The following KCNIP3 variants were observed in gnomAD, a reference collection of about 807,000 sequenced individuals.
KCNIP3 encodes potassium voltage-gated channel interacting protein 3, also known as calsenilin.
KCNIP3 carries 28 observed loss-of-function variants against 35.0 expected under a neutral mutation model. That is an observed-to-expected ratio of 0.80 (90% confidence interval 0.59 to 1.10). KCNIP3 has a LOEUF of 1.10. Among genes scored for constraint, KCNIP3 ranks in the 50% least tolerant of loss-of-function variants. The probability of loss-of-function intolerance (pLI) is 0.00; values close to 1 mark genes in which losing one functional copy is unlikely to be tolerated. For missense variants in KCNIP3, 295 were observed against 338.4 expected (o/e 0.87, Z 1.01); for synonymous variants, 134 against 133.8 (o/e 1.00, Z -0.01).
intron 2 of KCNIP3, among the ~76,000 whole-genome samples, chr2:95,341,508 C>A (rs1028799988): frequency 6.6e-6 from 1 of 152,182 alleles, no homozygotes; most frequent in African/African-American, 2.4e-5. Context: ...CGTAGGTTGT[C>A]TTGGCTGTGA....
At chr2:95,335,895 C>A (rs1179257626) in intron 2 of KCNIP3, among the ~76,000 whole-genome samples, 1 of 151,912 alleles carries the variant, frequency 6.6e-6, no homozygotes, top group Non-Finnish European at 1.5e-5. Context: ...ATTTTTAGTC[C>A]ATTCACATTT....
chr2:95,297,661 G>A (rs1255576162), intron 1 of KCNIP3, among the ~76,000 whole-genome samples: 1 of 152,082 alleles, frequency 6.6e-6, no homozygotes, highest in South Asian at 2.1e-4. Context: ...CTGGCGTTGG[G>A]GTGTCCTGGC....
At chr2:95,323,546 T>A (rs1172114126) in intron 2 of KCNIP3, among the ~76,000 whole-genome samples, 1 of 151,894 alleles carries the variant, frequency 6.6e-6, no homozygotes, top group Non-Finnish European at 1.5e-5. Flanking sequence ...AGGCATTCCC[T>A]CCTCTTCCAC....
At chr2:95,331,050 A>G (rs941103119) in intron 2 of KCNIP3, among the ~76,000 whole-genome samples, 2 of 152,056 alleles carry the variant, frequency 1.3e-5, no homozygotes, top group Non-Finnish European at 2.9e-5. Context: ...AGGCAGGCAG[A>G]GGGGCAGCAA....
At chr2:95,309,070 A>G (rs3755523) in intron 1 of KCNIP3, among the ~76,000 whole-genome samples, 118,021 of 152,096 alleles carry the variant, frequency 0.78, 46,388 homozygotes, top group African/African-American at 0.89. Flanking sequence ...TGCCACAGCT[A>G]GAGGTCAGGC....
intron 2 of KCNIP3, among the ~76,000 whole-genome samples, chr2:95,362,102 C>T (rs1679811575): frequency 6.8e-6 from 1 of 147,426 alleles, no homozygotes; most frequent in Non-Finnish European, 1.5e-5. Flanking sequence ...CTCTCCTACC[C>T]TTTTTTTTTT....
chr2:95,346,922 G>A (rs1040580765), intron 2 of KCNIP3: 6 of 629,690 alleles, frequency 9.5e-6, no homozygotes, highest in Non-Finnish European at 1.4e-5. Flanking sequence ...CGCCGCCCCC[G>A]AGAGGCCGTG....
chr2:95,374,348 G>A lies in KCNIP3; in HGVS notation c.234G>A (p.Gly78=), dbSNP rs764355337. Residue 78 remains glycine, a synonymous_variant, in exon 3 of 9, where the codon GGG becomes GGA. Transcript: ENST00000295225. ...ELSTVRHQPE[G]LDQLQAQTKF... is the part of the protein sequence containing the mutation. ...CCACGGTGCGCCACCAGCCAGAGGG[G>A]CTGGACCAGCTGCAGGCCCAGACCA... is the stretch of plus-strand genomic sequence containing the variant. 60 of 1,614,030 alleles carry A rather than the reference G, an allele frequency of 3.7e-5. No homozygotes were observed. Among genetic ancestry groups the A allele is most frequent in the Non-Finnish European group, 4.8e-5 (57 of 1,179,986 alleles).
At chr2:95,325,940 TACAC>T (rs1476499934) in intron 2 of KCNIP3, among the ~76,000 whole-genome samples, 5 of 140,672 alleles carry the variant, frequency 3.6e-5, no homozygotes, top group South Asian at 2.3e-4. Flanking sequence ...CACATACACA[TACAC>T]ACTCACACAT....
chr2:95,320,766 A>T (rs895470085), intron 2 of KCNIP3, among the ~76,000 whole-genome samples: 1 of 152,026 alleles, frequency 6.6e-6, no homozygotes, highest in Non-Finnish European at 1.5e-5. Context: ...CATTCAGATC[A>T]CCATGGCCTT....
At chr2:95,337,969 G>A (rs115596525) in intron 2 of KCNIP3, among the ~76,000 whole-genome samples, 1 of 152,232 alleles carries the variant, frequency 6.6e-6, no homozygotes, top group African/African-American at 2.4e-5. Flanking sequence ...AACTGGAGGT[G>A]GTGGGGGAAG....
At chr2:95,338,948 G>A (rs1679127018) in intron 2 of KCNIP3, among the ~76,000 whole-genome samples, 1 of 152,230 alleles carries the variant, frequency 6.6e-6, no homozygotes, top group African/African-American at 2.4e-5. Flanking sequence ...ATAAGTGCTT[G>A]CAGCATTGAC....
chr2:95,375,475 G>A (rs1680161953), intron 5 of KCNIP3, among the ~76,000 whole-genome samples: 2 of 152,066 alleles, frequency 1.3e-5, no homozygotes, highest in Admixed American at 1.3e-4. Flanking sequence ...GGGAGCCCCC[G>A]AGACACACAC....
At chr2:95,364,479 C>A (rs1443774630) in intron 2 of KCNIP3, among the ~76,000 whole-genome samples, 1 of 151,696 alleles carries the variant, frequency 6.6e-6, no homozygotes, top group East Asian at 1.9e-4. Context: ...GGATGTTTGT[C>A]CCCCCCCACA....
chr2:95,374,067 C>G (rs1055429280), intron 2 of KCNIP3, among the ~76,000 whole-genome samples: 1 of 152,222 alleles, frequency 6.6e-6, no homozygotes, highest in African/African-American at 2.4e-5. Flanking sequence ...GCAGGGGCTG[C>G]GATGGGGAGG....
intron 2 of KCNIP3, among the ~76,000 whole-genome samples, chr2:95,317,418 G>A (rs1412607552): frequency 6.6e-6 from 1 of 152,222 alleles, no homozygotes; most frequent in African/African-American, 2.4e-5. Flanking sequence ...GGAGGCTGAG[G>A]CCAGGCACCA....
At chr2:95,334,225 C>T (rs1679002223) in intron 2 of KCNIP3, among the ~76,000 whole-genome samples, 1 of 152,238 alleles carries the variant, frequency 6.6e-6, no homozygotes, top group Non-Finnish European at 1.5e-5. Context: ...CCTGCATACA[C>T]TCTGTGCAGA....
intron 2 of KCNIP3, among the ~76,000 whole-genome samples, chr2:95,367,335 T>C (rs902915284): frequency 3.9e-5 from 6 of 152,170 alleles, no homozygotes; most frequent in African/African-American, 1.4e-4. Context: ...TTTCACAAAA[T>C]TATTTTAGCT....
chr2:95,373,502 A>G (rs1157743633), intron 2 of KCNIP3, among the ~76,000 whole-genome samples: 1 of 146,664 alleles, frequency 6.8e-6, no homozygotes, highest in East Asian at 2.1e-4. Context: ...GGCTCACTGC[A>G]AGCTCCGCCT....
Sources: gnomAD v4.1 joint callset for allele counts (sites outside exome capture counted in the v4.1 genomes callset) on GRCh38, gnomAD v4.1.1 for gene constraint, MANE v1.5 for transcripts, NCBI Gene and HGNC (gene_info 2026-07-23, HGNC 2026-07-21) for gene names.